The following TPO variants were observed in gnomAD, a reference collection of about 807,000 sequenced individuals.
The protein encoded by TPO is thyroid microsomal antigen.
TPO carries 78 observed loss-of-function variants against 96.9 expected under a neutral mutation model. That is an observed-to-expected ratio of 0.81 (90% CI 0.67 to 0.97). TPO has a LOEUF of 0.97. Ranked by LOEUF, TPO falls within the 50% of genes least tolerant of loss-of-function variation. TPO has a pLI of 0.00. For missense variants in TPO, 1,252 were observed against 1,274.8 expected (o/e 0.98, Z 0.27); for synonymous variants, 547 against 538.0 (o/e 1.02, Z -0.23).
chr2:1,511,228 A>AGCCCTGCAGACTGGGGGTGCCACAGCGC (rs1342591672), intron 14 of TPO, among the ~76,000 whole-genome samples: 39 of 29,722 alleles, frequency 1.3e-3, no homozygotes, highest in Non-Finnish European at 1.8e-3. Flanking sequence ...TGCCACAGCA[A>AGCCCTGCAGACTGGGGGTGCCACAGCGC]AGCCCTGCAG....
chr2:1,496,538 T>C, intron 12 of TPO, 57 bp from the exon 13 acceptor site: 1 of 1,608,508 alleles, frequency 6.2e-7, no homozygotes, highest in East Asian at 2.2e-5. Flanking sequence ...GGGACGTTGG[T>C]GTGTGGTTTT....
Position 1,540,739 on chromosome 2 carries a change from C to A in TPO, c.2748+16C>A. The A allele has an allele frequency of 6.2e-7, 1 of 1,613,220 alleles. No individual in the cohort carries two copies. The highest frequency in any genetic ancestry group is 2.2e-5 in the East Asian group (1 of 44,880). On this transcript the variant is annotated intron_variant, in intron 16 of 16. Transcript: ENST00000329066. The stretch of plus-strand genomic sequence containing the variant: ...CTCGGAGCAGGTGGGCCACACCATG[C>A]CGCATGTTTCCAGCTGCCACCGCAG...
At position 1,542,607 on chromosome 2, in the gene TPO, C is replaced by T. The variant is rs750934572; in HGVS notation, c.*133C>T. 79 of 1,554,364 alleles carry T rather than the reference C, an allele frequency of 5.1e-5. No individual in the cohort carries two copies. Among genetic ancestry groups the T allele is most frequent in the African/African-American group, 8.2e-5 (6 of 73,210 alleles). On this transcript the variant is annotated 3_prime_UTR_variant, in exon 17 of 17. Coordinates refer to ENST00000329066, the MANE Select transcript of TPO (RefSeq NM_001206744.2). ...AACACGGGTAAATCTAGTACCATGT[C>T]GTAGTTACTCTCAGGCATGGATGAA...
At chr2:1,485,015 G>T (rs28911468) in intron 9 of TPO, among the ~76,000 whole-genome samples, 161 bp downstream of exon 9, 9,474 of 152,142 alleles carry the variant, frequency 0.062, 350 homozygotes, top group East Asian at 0.15. Context: ...CCATTAACTC[G>T]TAATTTACAT....
chr2:1,537,629 G>A (rs1441665671), intron 15 of TPO, among the ~76,000 whole-genome samples: 1 of 102,518 alleles, frequency 9.8e-6, no homozygotes, highest in East Asian at 2.8e-4. Context: ...CCCGCTGTGT[G>A]CAACATCCCC....
chr2:1,420,173 A>G (rs1374698330), intron 2 of TPO, among the ~76,000 whole-genome samples: 1 of 152,252 alleles, frequency 6.6e-6, no homozygotes, highest in Non-Finnish European at 1.5e-5. Context: ...AAGAAAAGAA[A>G]CTAGAGACTA....
intron 7 of TPO, among the ~76,000 whole-genome samples, chr2:1,466,320 A>G (rs550750174): frequency 1.3e-5 from 2 of 152,228 alleles, no homozygotes; most frequent in African/African-American, 4.8e-5. Context: ...TTTAGCATCT[A>G]TGTTCATCAG....
intron 1 of TPO, among the ~76,000 whole-genome samples, chr2:1,387,190 TTGGAGTTGC>T (rs1237808789): frequency 6.6e-6 from 1 of 152,180 alleles, no homozygotes; most frequent in East Asian, 1.9e-4. Flanking sequence ...ATTATGTGTC[TTGGAGTTGC>T]TCTTCTCGAG....
At chr2:1,486,150 C>T (rs922112288) in intron 9 of TPO, among the ~76,000 whole-genome samples, 4 of 152,134 alleles carry the variant, frequency 2.6e-5, no homozygotes, top group African/African-American at 7.2e-5. Flanking sequence ...GCAGACCTTC[C>T]GTATGGGCAC....
At chr2:1,464,322 A>G (rs1039500393) in intron 7 of TPO, among the ~76,000 whole-genome samples, 15 of 152,326 alleles carry the variant, frequency 9.8e-5, no homozygotes, top group African/African-American at 3.6e-4. Context: ...GGTTGCTTCC[A>G]CAGTTTGGCA....
chr2:1,433,687 T>C (rs1665263289), intron 4 of TPO, 80 bp downstream of exon 4: 3 of 1,533,908 alleles, frequency 2.0e-6, no homozygotes, highest in African/African-American at 2.7e-5. Flanking sequence ...GGCTGCTTGC[T>C]CAGGGCATGT....
At chr2:1,384,081 CTGTT>C (rs1367148641) in intron 1 of TPO, among the ~76,000 whole-genome samples, 2 of 152,296 alleles carry the variant, frequency 1.3e-5, no homozygotes, top group Admixed American at 1.3e-4. Context: ...GTCTATATCT[CTGTT>C]TGGTACCAGT....
chr2:1,458,093 G>C lies in TPO; in HGVS notation c.819+1811G>C, dbSNP rs539385454. The stretch of plus-strand genomic sequence containing the variant: ...ATATGGCATATGAGATTGTGGGCAC[G>C]TGCGTTTATGGCACATAAGATAGTG... On this transcript the variant is annotated intron_variant, in intron 7 of 16. Coordinates refer to ENST00000329066, the MANE Select transcript of TPO (RefSeq NM_001206744.2). Among the ~76,000 whole-genome samples the C allele has an allele frequency of 6.6e-5, 10 of 151,342 alleles. No individual in the cohort carries two copies. The South Asian group carries it at 2.1e-3, about 32-fold the overall frequency.
chr2:1,480,968 G>C lies in TPO; in HGVS notation c.1338+3364G>C, dbSNP rs571733022. On this transcript the variant is annotated intron_variant, in intron 8 of 16. Transcript: ENST00000329066. ...CCCCTCCCTCAGCCCTGGGCCACAG[G>C]ACTTCTGCTGTGGGCATGTTTGGGA... is the stretch of plus-strand genomic sequence containing the variant. Among the ~76,000 whole-genome samples, 12 of 151,580 alleles carry C rather than the reference G, an allele frequency of 7.9e-5. No individual in the cohort carries two copies. The South Asian group carries it at 2.5e-3, about 32-fold the overall frequency.
intron 5 of TPO, among the ~76,000 whole-genome samples, chr2:1,438,126 G>A (rs1314949363): frequency 6.6e-6 from 1 of 151,794 alleles, no homozygotes; most frequent in Non-Finnish European, 1.5e-5. Context: ...GGAGGAGCAG[G>A]GTCTTCAGAA....
At chr2:1,399,796 C>T (rs970448874) in intron 1 of TPO, among the ~76,000 whole-genome samples, 5 of 152,242 alleles carry the variant, frequency 3.3e-5, no homozygotes, top group Non-Finnish European at 7.3e-5. Flanking sequence ...CCTGTCTTCA[C>T]TCACTCACAC....
At chr2:1,541,834 G>C (rs940590518) in intron 16 of TPO, 1 of 154,356 alleles carries the variant, frequency 6.5e-6, no homozygotes, top group Admixed American at 6.4e-5. Flanking sequence ...GCATACAGGA[G>C]GGGGGCATTG....
chr2:1,424,038 A>G (rs148864462), intron 3 of TPO, among the ~76,000 whole-genome samples: 1 of 152,342 alleles, frequency 6.6e-6, no homozygotes, highest in African/African-American at 2.4e-5. Flanking sequence ...CAGTCAATTT[A>G]GAACGTTTAT....
At chr2:1,503,143 G>C (rs1372050457) in intron 13 of TPO, among the ~76,000 whole-genome samples, 1 of 152,178 alleles carries the variant, frequency 6.6e-6, no homozygotes, top group Non-Finnish European at 1.5e-5. Context: ...CAGTGCTTTT[G>C]CTCTGTCTAG....
Sources: allele counts gnomAD v4.1 joint callset (sites outside exome capture counted in the v4.1 genomes callset), GRCh38; gene constraint gnomAD v4.1.1; transcripts MANE v1.5; gene names NCBI Gene and HGNC (gene_info 2026-07-23, HGNC 2026-07-21).